The following MAP3K7CL variants were observed in gnomAD, a reference collection of about 807,000 sequenced individuals.
MAP3K7CL encodes MAP3K7 C-terminal-like protein.
In MAP3K7CL, 16 loss-of-function variants were observed where a neutral mutation model predicts 18.6. The observed-to-expected ratio is 0.86, with a 90% CI of 0.58 to 1.31. MAP3K7CL has a LOEUF of 1.31. Ranked by LOEUF, MAP3K7CL falls within the 50% of genes most tolerant of loss-of-function variation. MAP3K7CL has a pLI of 0.00. For synonymous variants in MAP3K7CL, 65 were observed against 66.8 expected (o/e 0.97, Z 0.13); for missense variants, 163 against 174.4 (o/e 0.93, Z 0.37).
At chr21:29,089,425 T>G (rs1442637516) in intron 1 of MAP3K7CL, among the ~76,000 whole-genome samples, 2 of 152,232 alleles carry the variant, frequency 1.3e-5, no homozygotes, top group Non-Finnish European at 2.9e-5. Flanking sequence ...ACATACATTA[T>G]GGGTTAATAC....
At chr21:29,089,200 A>AAAAAAAAAAC (rs2085979251) in intron 1 of MAP3K7CL, among the ~76,000 whole-genome samples, 3 of 133,122 alleles carry the variant, frequency 2.3e-5, no homozygotes, top group African/African-American at 8.1e-5. Flanking sequence ...AAAAAAAAAA[A>AAAAAAAAAAC]AGACACTGGT....
chr21:29,092,369 T>C (rs1026940978), intron 3 of MAP3K7CL: 19 of 1,565,566 alleles, frequency 1.2e-5, no homozygotes, highest in Non-Finnish European at 1.5e-5. Flanking sequence ...AAAAAAGAAC[T>C]GACATCAAAA....
chr21:29,081,031 G>T (rs937039734), upstream of MAP3K7CL, among the ~76,000 whole-genome samples: 1 of 151,902 alleles, frequency 6.6e-6, no homozygotes, highest in African/African-American at 2.4e-5. Flanking sequence ...GCCCAGACTT[G>T]GCAGTTAGAA....
At chr21:29,084,186 G>A (rs1293358996), upstream of MAP3K7CL, among the ~76,000 whole-genome samples, 2 of 151,556 alleles carry the variant, frequency 1.3e-5, no homozygotes, top group African/African-American at 4.8e-5. Flanking sequence ...TACTTAGAAG[G>A]AAGAATTTAT....
chr21:29,122,888 G>A (rs149563798), intron 4 of MAP3K7CL, among the ~76,000 whole-genome samples: 3 of 152,162 alleles, frequency 2.0e-5, no homozygotes, highest in African/African-American at 4.8e-5. Flanking sequence ...TGTATCAATT[G>A]TATTTTAAAT....
At chr21:29,135,369 G>A (rs1477573117) in intron 2 of MAP3K7CL, among the ~76,000 whole-genome samples, 2 of 151,834 alleles carry the variant, frequency 1.3e-5, no homozygotes, top group Admixed American at 1.3e-4. Context: ...CCAGAGGGAA[G>A]GAAAATGTAT....
At chr21:29,113,522 C>T (rs1310591602) in intron 4 of MAP3K7CL, among the ~76,000 whole-genome samples, 1 of 152,156 alleles carries the variant, frequency 6.6e-6, no homozygotes, top group Non-Finnish European at 1.5e-5. Context: ...GGCATGATCT[C>T]AGCTCATTGC....
intron 4 of MAP3K7CL, among the ~76,000 whole-genome samples, chr21:29,106,170 A>G (rs1308299893): frequency 6.6e-6 from 1 of 152,152 alleles, no homozygotes; most frequent in Non-Finnish European, 1.5e-5. Context: ...GACTCCTTTG[A>G]AAGTACTAAG....
At chr21:29,116,696 T>C (rs894565202) in intron 4 of MAP3K7CL, among the ~76,000 whole-genome samples, 5 of 152,190 alleles carry the variant, frequency 3.3e-5, no homozygotes, top group Non-Finnish European at 5.9e-5. Context: ...GTCATTCTTG[T>C]TCATTCTGAA....
Position 29,092,378 on chromosome 21 carries a change from A to G in MAP3K7CL, c.228-61A>G. 4 of 1,584,826 alleles carry G rather than the reference A, an allele frequency of 2.5e-6. No homozygotes were observed. In the South Asian group the frequency reaches 4.4e-5, roughly 18 times the overall value. The stretch of plus-strand genomic sequence containing the variant: ...CAGGGAAAAAAAGAACTGACATCAA[A>G]AGGTCTGTGCGGGGTCATTTGTCTC... On this transcript the variant is annotated intron_variant, in intron 3 of 6. Transcript: ENST00000286791.
intron 4 of MAP3K7CL, among the ~76,000 whole-genome samples, chr21:29,111,982 C>T (rs80006106): frequency 0.029 from 4,473 of 152,222 alleles, 103 homozygotes; most frequent in Middle Eastern, 0.099. Flanking sequence ...GTCCTTAAAG[C>T]TCTGTCTTCT....
At chr21:29,173,722 G>A (rs2087898355) in intron 4 of MAP3K7CL, among the ~76,000 whole-genome samples, 1 of 151,980 alleles carries the variant, frequency 6.6e-6, no homozygotes, top group African/African-American at 2.4e-5. Context: ...CCTTTTTTGA[G>A]ACAGGATCTC....
chr21:29,148,002 CATATGTATATGTACTGT>C (rs1230396434), intron 2 of MAP3K7CL, among the ~76,000 whole-genome samples: 1 of 150,722 alleles, frequency 6.6e-6, no homozygotes, highest in Non-Finnish European at 1.5e-5. Context: ...ATGTGTATTG[CATATGTATATGTACTGT>C]ATATGTATCT....
intron 4 of MAP3K7CL, among the ~76,000 whole-genome samples, chr21:29,118,703 C>A (rs1364069673): frequency 6.6e-6 from 1 of 152,176 alleles, no homozygotes; most frequent in Non-Finnish European, 1.5e-5. Flanking sequence ...GGTGTGACCC[C>A]ACTGTAGGGA....
At chr21:29,135,887 T>C (rs185098826) in intron 2 of MAP3K7CL, among the ~76,000 whole-genome samples, 1 of 152,204 alleles carries the variant, frequency 6.6e-6, no homozygotes, top group African/African-American at 2.4e-5. Context: ...CTCCCCAAAT[T>C]AAGTATTTTA....
chr21:29,155,636 T>C (rs936963472), intron 3 of MAP3K7CL, among the ~76,000 whole-genome samples: 1 of 152,144 alleles, frequency 6.6e-6, no homozygotes, highest in Non-Finnish European at 1.5e-5. Flanking sequence ...TACTTCATCT[T>C]GTTAAATCGG....
At chr21:29,101,278 A>C (rs574931953) in intron 4 of MAP3K7CL, among the ~76,000 whole-genome samples, 1 of 152,338 alleles carries the variant, frequency 6.6e-6, no homozygotes, top group Admixed American at 6.5e-5. Context: ...GCTGTCTAGC[A>C]CAGAGTATCT....
intron 4 of MAP3K7CL, among the ~76,000 whole-genome samples, chr21:29,160,533 A>G (rs2087520923): frequency 6.6e-6 from 1 of 152,222 alleles, no homozygotes; most frequent in African/African-American, 2.4e-5. Flanking sequence ...CAGTTCTGCT[A>G]TAGGGAATTA....
At chr21:29,089,394 GATGTT>G (rs200800167) in intron 1 of MAP3K7CL, among the ~76,000 whole-genome samples, 4,492 of 152,232 alleles carry the variant, frequency 0.03, 101 homozygotes, top group Middle Eastern at 0.1. Context: ...TAAAAATAAT[GATGTT>G]ATTATTATCT....
Sources: allele counts gnomAD v4.1 joint callset (sites outside exome capture counted in the v4.1 genomes callset), GRCh38; gene constraint gnomAD v4.1.1; transcripts MANE v1.5; gene names NCBI Gene and HGNC (gene_info 2026-07-23, HGNC 2026-07-21).